Variants in ZNF516 observed in about 807,000 individuals in gnomAD.
ZNF516 encodes the protein zinc finger protein 516.
Under a neutral mutation model 79.7 loss-of-function variants are expected in ZNF516, and 19 were observed. The ratio of observed to expected loss-of-function variants is 0.24; its 90% CI spans 0.17 to 0.35. The LOEUF (loss-of-function observed/expected upper bound fraction) is 0.35. Ranked by LOEUF, ZNF516 falls within the 10% of genes least tolerant of loss-of-function variation. ZNF516 has a pLI of 1.00. For missense variants in ZNF516, 1,678 were observed against 1,679.5 expected (o/e 1.00, Z 0.02); for synonymous variants, 877 against 739.5 (o/e 1.19, Z -3.02).
chr18:76,409,759 G>C (rs1239657748), intron 3 of ZNF516, among the ~76,000 whole-genome samples: 1 of 152,184 alleles, frequency 6.6e-6, no homozygotes, highest in African/African-American at 2.4e-5. Context: ...CTGCCTTGCA[G>C]CTAGGCTTTG....
At chr18:76,454,145 T>A (rs1568307374) in intron 2 of ZNF516, among the ~76,000 whole-genome samples, 4 of 152,234 alleles carry the variant, frequency 2.6e-5, no homozygotes, top group Admixed American at 2.0e-4. Flanking sequence ...GGCATTCTGT[T>A]AAACATTACC....
intron 3 of ZNF516, among the ~76,000 whole-genome samples, chr18:76,439,262 G>A (rs1307472819): frequency 6.6e-6 from 1 of 152,186 alleles, no homozygotes; most frequent in East Asian, 1.9e-4. Context: ...GACCATTAAA[G>A]GCAGCTGTTG....
intron 1 of ZNF516, among the ~76,000 whole-genome samples, chr18:76,485,196 C>T (rs1305194774): frequency 6.6e-6 from 1 of 152,176 alleles, no homozygotes; most frequent in Non-Finnish European, 1.5e-5. Flanking sequence ...TTAAATTATG[C>T]TTGGTGTTAC....
At chr18:76,492,244 G>T in intron 1 of ZNF516, 1 of 985,472 alleles carries the variant, frequency 1.0e-6, no homozygotes, top group Non-Finnish European at 1.2e-6. Context: ...GATGCTGCTC[G>T]GCTCAGGTCG....
rs539161027 is a variant in ZNF516, at chr18:76,421,166, G to A, written c.1810+20079C>T. ...TATGTTCAGGGTCAACTACTGACAC[G>A]TTTACAAAGCAAGATGAATTACACT... On this transcript the variant is annotated intron_variant, in intron 3 of 6. Coordinates refer to ENST00000443185, the MANE Select transcript of ZNF516 (RefSeq NM_014643.4). Among the ~76,000 whole-genome samples, 22 of 152,326 alleles carry A rather than the reference G, an allele frequency of 1.4e-4. No homozygotes were observed. The South Asian group carries it at 3.1e-3, about 22-fold the overall frequency.
At chr18:76,383,222 C>T (rs1035314545) in intron 3 of ZNF516, among the ~76,000 whole-genome samples, 4 of 152,106 alleles carry the variant, frequency 2.6e-5, no homozygotes, top group East Asian at 1.9e-4. Flanking sequence ...TGAAGCTATT[C>T]GCAGAAGCAG....
Position 76,379,330 on chromosome 18 carries a change from G to C in ZNF516, c.2784C>G (p.Ser928Arg), listed in dbSNP as rs554719475. The stretch of plus-strand genomic sequence containing the variant: ...CGATGACGGTGGGCGTAGGGGTGGC[G>C]CTCCTGCTGAAGCCCCCGCCACCCG... ...PAPGGGGFSR[S>R]ATPTPTVIAR... is the part of the protein sequence containing the mutation. The change falls in exon 4 of 7, where the codon AGC becomes AGG. Residue 928 changes from serine (S) to arginine (R), a missense_variant. Ser to Arg is a moderately radical substitution (Grantham distance 110). Transcript: ENST00000443185. The C allele has an allele frequency of 2.5e-6, 4 of 1,595,988 alleles. No individual in the cohort carries two copies. The highest frequency in any genetic ancestry group is 3.4e-6 in the Non-Finnish European group (4 of 1,170,648).
chr18:76,496,286 G>A (rs767121442), upstream of ZNF516: 4 of 1,289,116 alleles, frequency 3.1e-6, no homozygotes, highest in South Asian at 2.5e-5. Context: ...CAGGCTCCTG[G>A]CCGTATTGTT....
chr18:76,365,781 CTGAGGCCCAGGGCCCGG>C (rs963992935), intron 6 of ZNF516, among the ~76,000 whole-genome samples: 4 of 152,196 alleles, frequency 2.6e-5, no homozygotes, highest in African/African-American at 9.6e-5. Context: ...AGCTGGGCTC[CTGAGGCCCAGGGCCCGG>C]ACCCTCTCAC....
At chr18:76,431,540 G>A (rs776483576) in intron 3 of ZNF516, among the ~76,000 whole-genome samples, 23 of 152,200 alleles carry the variant, frequency 1.5e-4, no homozygotes, top group Non-Finnish European at 2.9e-5. Flanking sequence ...TGTTGCGACC[G>A]ATTCCCTTTG....
chr18:76,470,002 TCTA>T (rs1568319604), intron 1 of ZNF516, among the ~76,000 whole-genome samples: 1 of 152,338 alleles, frequency 6.6e-6, no homozygotes, highest in African/African-American at 2.4e-5. Flanking sequence ...AAGTAAATAA[TCTA>T]CTGTTAAAAC....
intron 1 of ZNF516, among the ~76,000 whole-genome samples, chr18:76,480,522 C>CATATATAT (rs1252808028): frequency 2.1e-5 from 2 of 97,396 alleles, no homozygotes; most frequent in African/African-American, 9.4e-5. Context: ...CACACACACA[C>CATATATAT]ACATATATTT....
At chr18:76,447,612 G>A (rs1436342391) in intron 2 of ZNF516, among the ~76,000 whole-genome samples, 1 of 152,212 alleles carries the variant, frequency 6.6e-6, no homozygotes, top group Non-Finnish European at 1.5e-5. Context: ...CAACACAGAT[G>A]CTCAGAGCCA....
At chr18:76,469,322 C>T (rs921332530) in intron 1 of ZNF516, among the ~76,000 whole-genome samples, 2 of 152,302 alleles carry the variant, frequency 1.3e-5, no homozygotes, top group African/African-American at 4.8e-5. Context: ...AAAAGCCACA[C>T]TCATTATATC....
chr18:76,388,627 G>T (rs1182645129), intron 3 of ZNF516: 1 of 152,266 alleles, frequency 6.6e-6, no homozygotes, highest in African/African-American at 2.4e-5. Flanking sequence ...GACACTCAGA[G>T]ATGAGGGAGA....
At chr18:76,408,018 A>C (rs978373582) in intron 3 of ZNF516, among the ~76,000 whole-genome samples, 3 of 152,186 alleles carry the variant, frequency 2.0e-5, no homozygotes, top group African/African-American at 7.2e-5. Context: ...TGTCCTCTGT[A>C]GTTTTGGCAC....
intron 2 of ZNF516, among the ~76,000 whole-genome samples, chr18:76,460,129 A>C (rs1364095104): frequency 1.3e-5 from 2 of 152,236 alleles, no homozygotes; most frequent in African/African-American, 4.8e-5. Context: ...ACTCACCCGA[A>C]GGTTGAAACA....
At chr18:76,427,031 T>C (rs912833958) in intron 3 of ZNF516, among the ~76,000 whole-genome samples, 1 of 152,080 alleles carries the variant, frequency 6.6e-6, no homozygotes, top group Admixed American at 6.6e-5. Context: ...GGGCCCTGAG[T>C]AGGGACTGCA....
In ZNF516 at chr18:76,357,715, G is replaced by A. The variant is rs2074477039; in HGVS notation, c.*4783C>T. On this transcript the variant is annotated 3_prime_UTR_variant, in exon 7 of 7. Transcript: ENST00000443185. ...AATTAGAATCTTTATTGCATCTGAT[G>A]GTCCTGTCTCATTTTTGCTGTCTCA... 6.6e-6 allele frequency among the ~76,000 whole-genome samples: 1 copy of A among 152,142 alleles called. No individual in the cohort carries two copies. Among genetic ancestry groups the A allele is most frequent in the African/African-American group, 2.4e-5 (1 of 41,400 alleles).
Sources: allele counts gnomAD v4.1 joint callset (sites outside exome capture counted in the v4.1 genomes callset), GRCh38; gene constraint gnomAD v4.1.1; transcripts MANE v1.5; gene names NCBI Gene and HGNC (gene_info 2026-07-23, HGNC 2026-07-21).